ERC2: variants seen among roughly 807,000 people sequenced by gnomAD.
ERC2 encodes the protein ERC protein 2.
A neutral mutation model predicts 114.8 loss-of-function variants in ERC2; 42 were observed. The observed-to-expected ratio is 0.37, with a 90% CI of 0.29 to 0.47. The LOEUF (loss-of-function observed/expected upper bound fraction) is 0.47. ERC2 is among the 20% of genes least tolerant of loss of function. The probability of loss-of-function intolerance (pLI) is 0.99; values close to 1 mark genes in which losing one functional copy is unlikely to be tolerated. For missense variants in ERC2, 939 were observed against 1,150.7 expected (o/e 0.82, Z 2.66); for synonymous variants, 454 against 425.5 (o/e 1.07, Z -0.82).
intron 3 of ERC2, among the ~76,000 whole-genome samples, chr3:56,267,319 G>A (rs1019011073): frequency 1.3e-5 from 2 of 152,048 alleles, no homozygotes; most frequent in Non-Finnish European, 2.9e-5. Flanking sequence ...GGTCAACGTG[G>A]GTGAAGCTAT....
At chr3:55,738,568 C>T (rs778030985) in intron 14 of ERC2, among the ~76,000 whole-genome samples, 1 of 152,094 alleles carries the variant, frequency 6.6e-6, no homozygotes, top group Admixed American at 6.6e-5. Context: ...TAGGCACACA[C>T]ACATATTTTC....
chr3:56,181,794 A>G (rs2083299943), intron 3 of ERC2, among the ~76,000 whole-genome samples: 1 of 152,204 alleles, frequency 6.6e-6, no homozygotes, highest in Admixed American at 6.5e-5. Context: ...TTGTTTTGGT[A>G]GATGGCAGCT....
At chr3:55,807,369 A>G (rs564740982) in intron 14 of ERC2, among the ~76,000 whole-genome samples, 4 of 152,314 alleles carry the variant, frequency 2.6e-5, no homozygotes, top group South Asian at 2.1e-4. Context: ...TGATTTCCCA[A>G]TGACTTCTTT....
chr3:56,047,345 T>C (rs543718267), intron 7 of ERC2, among the ~76,000 whole-genome samples: 1 of 152,316 alleles, frequency 6.6e-6, no homozygotes, highest in South Asian at 2.1e-4. Flanking sequence ...TTGGGGTAAG[T>C]GATGCAAATC....
Position 55,857,385 on chromosome 3 carries a change from T to C in ERC2, c.2564+31004A>G, listed in dbSNP as rs548864547. On this transcript the variant is annotated intron_variant, in intron 14 of 17. Coordinates refer to ENST00000288221, the MANE Select transcript of ERC2 (RefSeq NM_015576.3). ...CTGTCTTTGTCTCTCCCTCTCCCTC[T>C]CCCTGTATCATTTTTTTTAATTGTG... Among the ~76,000 whole-genome samples the C allele has an allele frequency of 2.0e-5, 3 of 152,222 alleles. No homozygotes were observed. In the South Asian group the frequency reaches 6.2e-4, roughly 32 times the overall value.
chr3:56,383,718 A>G (rs2059837686), intron 2 of ERC2, among the ~76,000 whole-genome samples: 1 of 152,142 alleles, frequency 6.6e-6, no homozygotes, highest in African/African-American at 2.4e-5. Flanking sequence ...CATTTTAACC[A>G]TCTCAAGTGT....
chr3:56,111,350 TCTCTCTCTCCCTCAATCTCTCC>T (rs1170603824), intron 6 of ERC2, among the ~76,000 whole-genome samples: 1 of 150,340 alleles, frequency 6.7e-6, no homozygotes, highest in Admixed American at 6.6e-5. Flanking sequence ...TCTCCCTCAA[TCTCTCTCTCCCTCAATCTCTCC>T]CTCTCTCTCC....
intron 17 of ERC2, among the ~76,000 whole-genome samples, chr3:55,572,800 G>A (rs1023432461): frequency 6.6e-6 from 1 of 152,148 alleles, no homozygotes; most frequent in African/African-American, 2.4e-5. Context: ...TGACCTCTAG[G>A]GTTCTCAGCT....
intron 2 of ERC2, among the ~76,000 whole-genome samples, chr3:56,400,839 A>G (rs181047563): frequency 2.0e-5 from 3 of 152,324 alleles, no homozygotes; most frequent in African/African-American, 7.2e-5. Flanking sequence ...ATTTAGTCTG[A>G]CGTATGCTAA....
At chr3:56,165,299 C>T (rs929663505) in intron 4 of ERC2, among the ~76,000 whole-genome samples, 5 of 151,968 alleles carry the variant, frequency 3.3e-5, no homozygotes, top group Admixed American at 6.6e-5. Flanking sequence ...TATTCATTTA[C>T]GCTATTGCAT....
chr3:55,749,487 A>T (rs2066525324), intron 14 of ERC2, among the ~76,000 whole-genome samples: 1 of 152,202 alleles, frequency 6.6e-6, no homozygotes, highest in African/African-American at 2.4e-5. Context: ...TTCTGACAAG[A>T]GGATTGTAAA....
At chr3:55,847,492 C>T (rs6782906) in intron 14 of ERC2, among the ~76,000 whole-genome samples, 27,131 of 152,014 alleles carry the variant, frequency 0.18, 3,574 homozygotes, top group African/African-American at 0.37. Flanking sequence ...GAATAAATCA[C>T]GATGCCACAG....
At chr3:55,868,925 A>G (rs1243413412) in intron 14 of ERC2, among the ~76,000 whole-genome samples, 1 of 152,186 alleles carries the variant, frequency 6.6e-6, no homozygotes, top group Non-Finnish European at 1.5e-5. Context: ...AGTTTTAAAT[A>G]ATATTTTCCA....
At chr3:55,997,112 C>G (rs1266525455) in intron 10 of ERC2, among the ~76,000 whole-genome samples, 1 of 152,146 alleles carries the variant, frequency 6.6e-6, no homozygotes, top group Non-Finnish European at 1.5e-5. Context: ...ATAACACGTT[C>G]CCTTTGAAAT....
chr3:56,154,258 C>CA lies in ERC2; in HGVS notation c.1150-5127dup, dbSNP rs576106184. On this transcript the variant is annotated intron_variant, in intron 4 of 17. Transcript: ENST00000288221. Reference sequence around the variant, plus strand: ...ACATATTAGTAAAAAGAACGAATACCAAAAAAATCAAAAACTCGCCTTCTT... The same window carrying CA: ...ACATATTAGTAAAAAGAACGAATACCAAAAAAAATCAAAAACTCGCCTTCTT... Among the ~76,000 whole-genome samples, 399 of 151,936 alleles carry CA rather than the reference C, an allele frequency of 2.6e-3. 2 individuals are homozygous for CA. Among genetic ancestry groups the CA allele is most frequent in the South Asian group, 0.016 (76 of 4,810 alleles).
At chr3:56,449,497 C>T (rs1238338955) in intron 1 of ERC2, among the ~76,000 whole-genome samples, 1 of 152,194 alleles carries the variant, frequency 6.6e-6, no homozygotes, top group African/African-American at 2.4e-5. Flanking sequence ...ACTTTAATAT[C>T]ATGACATTTT....
chr3:55,815,730 G>A (rs2059882455), intron 14 of ERC2, among the ~76,000 whole-genome samples: 1 of 152,156 alleles, frequency 6.6e-6, no homozygotes, highest in South Asian at 2.1e-4. Flanking sequence ...ACTAACGCGG[G>A]GGATTCCCCA....
chr3:55,968,116 T>C (rs1350204436), intron 12 of ERC2, among the ~76,000 whole-genome samples: 1 of 150,242 alleles, frequency 6.7e-6, no homozygotes, highest in African/African-American at 2.4e-5. Flanking sequence ...TATTTTTAAT[T>C]ACTTGATTTT....
chr3:56,252,476 C>T (rs1173544971), intron 3 of ERC2, among the ~76,000 whole-genome samples: 2 of 152,088 alleles, frequency 1.3e-5, no homozygotes, highest in African/African-American at 4.8e-5. Flanking sequence ...CATGCCTGGC[C>T]GGGCACAGTG....
Sources: gnomAD v4.1 joint callset for allele counts (sites outside exome capture counted in the v4.1 genomes callset) on GRCh38, gnomAD v4.1.1 for gene constraint, MANE v1.5 for transcripts, NCBI Gene and HGNC (gene_info 2026-07-23, HGNC 2026-07-21) for gene names.